ADGRA3: variants seen among roughly 807,000 people sequenced by gnomAD.
ADGRA3 encodes the protein adhesion G protein-coupled receptor A3.
ADGRA3 carries 56 observed loss-of-function variants against 119.8 expected under a neutral mutation model. That is an observed-to-expected ratio of 0.47 (90% CI 0.38 to 0.58). The LOEUF is 0.58. ADGRA3 is among the 20% of genes least tolerant of loss of function. The pLI, the probability that ADGRA3 is intolerant of heterozygous loss-of-function variation, is 0.00. For synonymous variants in ADGRA3, 607 were observed against 623.8 expected, an observed-to-expected ratio of 0.97 and a Z score of 0.40; for missense variants, 1,516 against 1,649.0, an observed-to-expected ratio of 0.92 and a Z score of 1.40.
At chr4:22,423,270 G>C (rs1222183555) in intron 11 of ADGRA3, among the ~76,000 whole-genome samples, 1 of 151,768 alleles carries the variant, frequency 6.6e-6, no homozygotes, top group Non-Finnish European at 1.5e-5. Context: ...GCCATGCTGA[G>C]ACTCCATTTA....
chr4:22,413,129 G>T, intron 14 of ADGRA3, 53 bp downstream of exon 14: 6 of 1,251,774 alleles, frequency 4.8e-6, no homozygotes, highest in African/African-American at 1.5e-5. Flanking sequence ...GCTTAATTAT[G>T]CATAGCAAAA....
At position 22,402,791 on chromosome 4, in the gene ADGRA3, C is replaced by G. The variant is rs762360800; in HGVS notation, c.2241G>C (p.Thr747=). 15 of 1,608,756 alleles carry G rather than the reference C, an allele frequency of 9.3e-6. No individual in the cohort carries two copies. In the African/African-American group the frequency reaches 1.9e-4, roughly 20 times the overall value. ...CCGCCTGGGTGTATAGTTCAGATCCCGTCAAATCCTGAGGGCAAAAAGAAA... is the reference window on the plus strand; with the variant it reads ...CCGCCTGGGTGTATAGTTCAGATCCGGTCAAATCCTGAGGGCAAAAAGAAA... ...LSNYAVLMDL[T]GSELYTQAAS... The change falls in exon 15 of 19, where the codon ACG becomes ACC. Residue 747 remains threonine, a synonymous_variant. Transcript: ENST00000334304.
intron 10 of ADGRA3, among the ~76,000 whole-genome samples, chr4:22,428,321 C>A (rs1455845292): frequency 9.6e-5 from 14 of 145,836 alleles, no homozygotes; most frequent in African/African-American, 3.5e-4. Context: ...TACAAGTGCT[C>A]AGAACATCTC....
chr4:22,407,220 G>C (rs565481704), intron 14 of ADGRA3, among the ~76,000 whole-genome samples: 3 of 152,298 alleles, frequency 2.0e-5, no homozygotes, highest in South Asian at 4.1e-4. Flanking sequence ...GCAGTGAGCC[G>C]AGATCAAGCC....
At chr4:22,439,160 A>G (rs1469866842) in intron 7 of ADGRA3, among the ~76,000 whole-genome samples, 2 of 152,232 alleles carry the variant, frequency 1.3e-5, no homozygotes, top group Non-Finnish European at 2.9e-5. Context: ...ACGAATTTAC[A>G]TAATTAAGAA....
At chr4:22,501,353 C>T (rs1719041915) in intron 1 of ADGRA3, among the ~76,000 whole-genome samples, 1 of 152,066 alleles carries the variant, frequency 6.6e-6, no homozygotes, top group South Asian at 2.1e-4. Context: ...ATGAGAAAGG[C>T]CAGGATCTTC....
intron 2 of ADGRA3, among the ~76,000 whole-genome samples, 187 bp downstream of exon 2, chr4:22,473,585 G>A (rs1717930929): frequency 6.6e-6 from 1 of 152,172 alleles, no homozygotes; most frequent in South Asian, 2.1e-4. Flanking sequence ...TTACTATCTG[G>A]CCCTTTACAG....
intron 2 of ADGRA3, among the ~76,000 whole-genome samples, chr4:22,463,153 TC>T (rs1461353888): frequency 6.6e-6 from 1 of 152,232 alleles, no homozygotes; most frequent in Non-Finnish European, 1.5e-5. Context: ...TCTTCTGACA[TC>T]CTTACATAAC....
At chr4:22,484,552 C>T (rs1324221475) in intron 1 of ADGRA3, among the ~76,000 whole-genome samples, 1 of 150,542 alleles carries the variant, frequency 6.6e-6, no homozygotes, top group Non-Finnish European at 1.5e-5. Flanking sequence ...TTGCCGTGAG[C>T]TGAGATCACG....
chr4:22,413,522 A>C, intron 13 of ADGRA3, 79 bp downstream of exon 13: 1 of 1,447,206 alleles, frequency 6.9e-7, no homozygotes, highest in Non-Finnish European at 9.6e-7. Flanking sequence ...GAAAACACTA[A>C]AATAAGCATT....
chr4:22,448,177 G>A (rs570405998), intron 4 of ADGRA3, among the ~76,000 whole-genome samples: 2 of 152,162 alleles, frequency 1.3e-5, no homozygotes, highest in Admixed American at 6.5e-5. Flanking sequence ...CGATTTGACC[G>A]AATTATTTCT....
intron 1 of ADGRA3, among the ~76,000 whole-genome samples, chr4:22,481,687 T>C (rs1175426516): frequency 6.6e-6 from 1 of 152,202 alleles, no homozygotes; most frequent in Non-Finnish European, 1.5e-5. Context: ...ACAATAATTT[T>C]AATAGGACCA....
At chr4:22,495,959 T>TA (rs1303429336) in intron 1 of ADGRA3, among the ~76,000 whole-genome samples, 4 of 152,068 alleles carry the variant, frequency 2.6e-5, no homozygotes, top group African/African-American at 7.2e-5. Context: ...ATGATACAAT[T>TA]AGAGTATCAT....
At chr4:22,514,891 T>C (rs1359999700) in intron 1 of ADGRA3, among the ~76,000 whole-genome samples, 5 of 152,194 alleles carry the variant, frequency 3.3e-5, no homozygotes, top group Non-Finnish European at 7.3e-5. Flanking sequence ...TCAGTTCCAA[T>C]GTTCCTGGCT....
At chr4:22,428,084 T>C (rs962654718) in intron 10 of ADGRA3, among the ~76,000 whole-genome samples, 4 of 152,202 alleles carry the variant, frequency 2.6e-5, no homozygotes, top group African/African-American at 7.2e-5. Flanking sequence ...CATCTGCTAA[T>C]TTAATACATT....
chr4:22,430,457 A>G (rs1716116933), intron 10 of ADGRA3, among the ~76,000 whole-genome samples: 1 of 152,194 alleles, frequency 6.6e-6, no homozygotes, highest in African/African-American at 2.4e-5. Flanking sequence ...ATCTTAGCAA[A>G]GAGACTGGCA....
rs1462387702 is a variant in ADGRA3 at position 22,413,590 on chromosome 4, C to CA, written c.2023+10dup. 1 of 1,608,640 alleles carries CA rather than the reference C, an allele frequency of 6.2e-7. No individual in the cohort carries two copies. Among genetic ancestry groups the CA allele is most frequent in the South Asian group, 1.1e-5 (1 of 90,894 alleles). ...CCACTGACTACAGGATAACATATGC[C>CA]ACATACAAACCTATTTTGGTGAGAA... On this transcript the variant is annotated intron_variant, in intron 13 of 18. Coordinates refer to ENST00000334304, the MANE Select transcript of ADGRA3 (RefSeq NM_145290.4).
At chr4:22,402,596 A>G (rs770061361) in intron 15 of ADGRA3, 79 bp downstream of exon 15, 12 of 1,473,904 alleles carry the variant, frequency 8.1e-6, no homozygotes, top group Non-Finnish European at 1.0e-5. Context: ...AACAAACTCA[A>G]TTTTATCCTA....
intron 12 of ADGRA3, chr4:22,414,728 G>T: frequency 1.7e-6 from 1 of 599,728 alleles, no homozygotes; most frequent in Non-Finnish European, 2.9e-6. Context: ...TTGCTCAGAT[G>T]TATCCCCTGA....
Sources: allele counts gnomAD v4.1 joint callset (sites outside exome capture counted in the v4.1 genomes callset), GRCh38; gene constraint gnomAD v4.1.1; transcripts MANE v1.5; gene names NCBI Gene and HGNC (gene_info 2026-07-23, HGNC 2026-07-21).